Variants in RET observed in about 807,000 individuals in gnomAD.
The protein encoded by RET is proto-oncogene tyrosine-protein kinase receptor Ret.
In RET, 19 loss-of-function variants were observed where a neutral mutation model predicts 118.3. The ratio of observed to expected loss-of-function variants is 0.16; its 90% CI spans 0.11 to 0.24. The LOEUF is 0.24. Ranked by LOEUF, RET falls within the 10% of genes least tolerant of loss-of-function variation. The pLI is 1.00. For synonymous variants in RET, 597 were observed against 644.1 expected (o/e 0.93, Z 1.11); for missense variants, 1,219 against 1,502.1 (o/e 0.81, Z 3.12).
chr10:43,100,146 CCCTTGAACACTCTGGCTCTGGGTGACCTG>C (rs1837605141), intron 1 of RET, among the ~76,000 whole-genome samples: 1 of 152,188 alleles, frequency 6.6e-6, no homozygotes, highest in Non-Finnish European at 1.5e-5. Flanking sequence ...GTGTCTCCTG[CCCTTGAACACTCTGGCTCTGGGTGACCTG>C]TTGAGAAGTC....
intron 11 of RET, among the ~76,000 whole-genome samples, chr10:43,115,636 G>A (rs144428767): frequency 3.3e-4 from 50 of 152,354 alleles, no homozygotes; most frequent in East Asian, 9.6e-4. Context: ...CAGGAAGGCC[G>A]CACTGGTCTG....
intron 8 of RET, 39 bp downstream of exon 8, chr10:43,112,263 G>A (rs780031663): frequency 9.9e-5 from 153 of 1,549,322 alleles, no homozygotes; most frequent in Middle Eastern, 1.8e-4. Flanking sequence ...CTGCAGGGGC[G>A]ATGGCACCGG....
rs1358278684 is a variant in RET, at chr10:43,106,153, C to T, written c.868-223C>T. Among the ~76,000 whole-genome samples the T allele has an allele frequency of 6.6e-6, 1 of 152,200 alleles. No homozygotes were observed. Among genetic ancestry groups the T allele is most frequent in the African/African-American group, 2.4e-5 (1 of 41,428 alleles). On this transcript the variant is annotated intron_variant, in intron 4 of 19. Transcript: ENST00000355710. The surrounding 1 kb of genome is among the most constrained non-coding windows in gnomAD (Gnocchi z 5.1). ...TAAGAGGTCTGCATTGTACCTGTTA[C>T]ACAGGCGAGGCTCAGTGGCTCAGGG...
rs141481056 is a variant in RET, at chr10:43,093,574, G to A, written c.74-6885G>A. ...GGGCCTGGATATGGCTGGTGAGTGA[G>A]CCACTGCCACCATCTGGAGGACAGG... On this transcript the variant is annotated intron_variant, in intron 1 of 19. Transcript: ENST00000355710. Among the ~76,000 whole-genome samples the A allele has an allele frequency of 7.8e-3, 1,189 of 152,330 alleles. 14 individuals are homozygous for A. The highest frequency in any genetic ancestry group is 0.027 in the African/African-American group (1,143 of 41,570).
At chr10:43,094,701 G>A (rs1015987087) in intron 1 of RET, among the ~76,000 whole-genome samples, 1 of 152,218 alleles carries the variant, frequency 6.6e-6, no homozygotes, top group African/African-American at 2.4e-5. Flanking sequence ...GCCAGGCCAC[G>A]CTTAGTATGT....
intron 1 of RET, among the ~76,000 whole-genome samples, chr10:43,098,225 C>G (rs1284635746): frequency 6.6e-6 from 1 of 152,174 alleles, no homozygotes; most frequent in East Asian, 1.9e-4. Flanking sequence ...CTGTCCCTAT[C>G]AAACACTAAC....
rs748402485 is a variant in RET at position 43,100,563 on chromosome 10, C to T, written c.178C>T (p.Pro60Ser). 2.5e-6 allele frequency: 4 copies of T among 1,613,756 alleles called. No homozygotes were observed. In the Admixed American group the frequency reaches 6.7e-5, roughly 27 times the overall value. ...GTACGTCCATGCCCTGCGGGACGCC[C>T]CTGAGGAGGTGCCCAGCTTCCGCCT... ...LLYVHALRDAPEEVPSFRLGQ... is the reference protein window; with the variant it reads ...LLYVHALRDASEEVPSFRLGQ... The change falls in exon 2 of 20, where the codon CCT (proline) becomes TCT (serine). Residue 60 changes from proline to serine, a missense_variant. By Grantham distance (74) the Pro-to-Ser change is moderately conservative (BLOSUM62 -1). Transcript: ENST00000355710.
chr10:43,097,436 TC>T (rs982605874), intron 1 of RET, among the ~76,000 whole-genome samples: 1 of 152,040 alleles, frequency 6.6e-6, no homozygotes, highest in African/African-American at 2.4e-5. Flanking sequence ...GCATTGCCTC[TC>T]CCCACCTGAG....
At chr10:43,118,805 G>T (rs907355944) in intron 13 of RET, among the ~76,000 whole-genome samples, 1 of 152,230 alleles carries the variant, frequency 6.6e-6, no homozygotes, top group South Asian at 2.1e-4. Context: ...CTCTAGGAAT[G>T]GACAGTGCAT....
chr10:43,092,925 C>T (rs980484042), intron 1 of RET, among the ~76,000 whole-genome samples: 5 of 152,332 alleles, frequency 3.3e-5, no homozygotes, highest in Admixed American at 6.5e-5. Context: ...CACAGTATCT[C>T]CCCGTCCTCT....
At chr10:43,078,119 G>A (rs1184351972) in intron 1 of RET, among the ~76,000 whole-genome samples, 1 of 152,218 alleles carries the variant, frequency 6.6e-6, no homozygotes, top group East Asian at 1.9e-4. Flanking sequence ...CCAGCATTAG[G>A]TGTGGCCTTG....
chr10:43,098,335 G>A (rs137955646), intron 1 of RET, among the ~76,000 whole-genome samples: 12 of 151,474 alleles, frequency 7.9e-5, no homozygotes, highest in African/African-American at 2.2e-4. Context: ...ATCGTGCAGT[G>A]TTCATCCTTT....
At chr10:43,124,858 T>G (rs760447552) in intron 17 of RET, 25 bp from the exon 18 acceptor site, 2 of 1,611,614 alleles carry the variant, frequency 1.2e-6, no homozygotes, top group Non-Finnish European at 8.5e-7. Context: ...TTGGATCATA[T>G]TGGCCTGTCT....
chr10:43,123,053 G>A (rs1189513956), intron 16 of RET, among the ~76,000 whole-genome samples: 2 of 152,244 alleles, frequency 1.3e-5, no homozygotes, highest in African/African-American at 2.4e-5. Flanking sequence ...ACACCGCCCA[G>A]TGACCTCTGG....
intron 12 of RET, among the ~76,000 whole-genome samples, chr10:43,117,496 C>T (rs1030496132): frequency 2.6e-5 from 4 of 152,266 alleles, no homozygotes; most frequent in Admixed American, 2.6e-4. Context: ...CCCAACTGTC[C>T]TCTCCCTTCC....
chr10:43,077,426 C>G, intron 1 of RET, 95 bp downstream of exon 1: 1 of 1,412,794 alleles, frequency 7.1e-7, no homozygotes, highest in Admixed American at 2.5e-5. Context: ...TTCTGTTTGC[C>G]GTGGGCAGCG....
intron 18 of RET, 83 bp from the exon 19 acceptor site, chr10:43,126,492 G>C (rs1034562389): frequency 4.1e-6 from 5 of 1,229,678 alleles, no homozygotes; most frequent in Non-Finnish European, 6.0e-6. Context: ...CAGAGCCTCT[G>C]CCCTGAGGAT....
intron 2 of RET, among the ~76,000 whole-genome samples, chr10:43,100,923 G>T (rs1214127760): frequency 2.0e-5 from 3 of 152,222 alleles, no homozygotes; most frequent in Non-Finnish European, 2.9e-5. Flanking sequence ...GCTGCGTGAG[G>T]CTGTAGGAGT....
rs1800859 is a variant in RET, at chr10:43,102,379, C to A, written c.375C>A (p.Val125=). Residue 125 remains valine (V), a synonymous_variant, in exon 3 of 20, where the codon GTC becomes GTA. Transcript: ENST00000355710. The part of the protein sequence containing the change: ...GFPLLTVYLK[V]FLSPTSLREG... The stretch of plus-strand genomic sequence containing the variant: ...CCCTGCTCACCGTCTACCTCAAGGT[C>A]TTCCTGTCACCCACATCCCTTCGTG... 0.01 allele frequency: 16,425 copies of A among 1,614,248 alleles called. 115 individuals are homozygous for A. The highest frequency in any genetic ancestry group is 0.016 in the Middle Eastern group (96 of 6,062).
Sources: allele counts gnomAD v4.1 joint callset (sites outside exome capture counted in the v4.1 genomes callset), GRCh38; gene constraint gnomAD v4.1.1; non-coding constraint Gnocchi (gnomAD v3.1); transcripts MANE v1.5; gene names NCBI Gene and HGNC (gene_info 2026-07-23, HGNC 2026-07-21).